Variants in GTF2H1 observed in about 807,000 individuals in gnomAD.
The protein encoded by GTF2H1 is BTF2 p62.
A neutral mutation model predicts 71.2 loss-of-function variants in GTF2H1; 16 were observed. The observed-to-expected ratio is 0.22, with a 90% CI of 0.15 to 0.34. The LOEUF (loss-of-function observed/expected upper bound fraction) is 0.34, where lower values mean the gene tolerates loss of function less well. GTF2H1 is among the 10% of genes least tolerant of loss of function. The pLI is 1.00. For synonymous variants in GTF2H1, 215 were observed against 219.0 expected, an observed-to-expected ratio of 0.98 and a Z score of 0.16; for missense variants, 498 against 648.2, an observed-to-expected ratio of 0.77 and a Z score of 2.52.
At chr11:18,362,997 CT>C (rs1565021671) in intron 14 of GTF2H1, among the ~76,000 whole-genome samples, 2 of 150,236 alleles carry the variant, frequency 1.3e-5, no homozygotes, top group Non-Finnish European at 3.0e-5. Flanking sequence ...TTTTTTTTTT[CT>C]TTTTAAACTT....
intron 1 of GTF2H1, among the ~76,000 whole-genome samples, chr11:18,327,838 C>T (rs1254617021): frequency 6.6e-6 from 1 of 152,202 alleles, no homozygotes; most frequent in African/African-American, 2.4e-5. Flanking sequence ...GTCTGTCCGC[C>T]TCGGCTTCCT....
chr11:18,331,014 C>T (rs769536904), intron 1 of GTF2H1, among the ~76,000 whole-genome samples: 2 of 152,010 alleles, frequency 1.3e-5, no homozygotes, highest in Non-Finnish European at 2.9e-5. Flanking sequence ...ATTGTTTGAG[C>T]GAATAAGAAG....
At chr11:18,338,086 A>G in intron 3 of GTF2H1, 23 bp from the exon 4 acceptor site, 1 of 1,556,404 alleles carries the variant, frequency 6.4e-7, no homozygotes, top group Non-Finnish European at 8.9e-7. Context: ...GTTCAGTTAT[A>G]TTCAGTATAT....
At chr11:18,352,646 GA>G (rs958023737) in intron 11 of GTF2H1, among the ~76,000 whole-genome samples, 200 bp downstream of exon 11, 12 of 151,996 alleles carry the variant, frequency 7.9e-5, no homozygotes, top group East Asian at 1.9e-4. Context: ...AGATGATAAT[GA>G]AAAAAAATAA....
chr11:18,324,051 CAT>C (rs1864681516), intron 1 of GTF2H1, among the ~76,000 whole-genome samples: 1 of 86,994 alleles, frequency 1.1e-5, no homozygotes. Context: ...ACTCAGCCGA[CAT>C]TTTTTTTTTT....
At chr11:18,349,419 A>T (rs2133977892) in intron 9 of GTF2H1, among the ~76,000 whole-genome samples, 1 of 152,330 alleles carries the variant, frequency 6.6e-6, no homozygotes, top group East Asian at 1.9e-4. Context: ...GCCGTGGCTC[A>T]CACCTGTAGT....
intron 7 of GTF2H1, 24 bp from the exon 8 acceptor site, chr11:18,347,564 T>A (rs750779975): frequency 1.1e-5 from 17 of 1,524,204 alleles, no homozygotes; most frequent in East Asian, 7.0e-5. Context: ...TTTTAAAAAA[T>A]TTTTAATCTA....
chr11:18,346,875 G>T (rs1203186923), intron 7 of GTF2H1, among the ~76,000 whole-genome samples: 1 of 150,460 alleles, frequency 6.6e-6, no homozygotes, highest in African/African-American at 2.4e-5. Flanking sequence ...CAACAGCTGG[G>T]ATTACAGGTG....
chr11:18,363,756 A>G (rs59019110), intron 14 of GTF2H1, among the ~76,000 whole-genome samples: 2,974 of 152,160 alleles, frequency 0.02, 102 homozygotes, highest in African/African-American at 0.068. Flanking sequence ...ATTGATTATA[A>G]CTGCTTGGAG....
At position 18,351,751 on chromosome 11, in the gene GTF2H1, C is replaced by G. The variant is rs547306213; in HGVS notation, c.1054-130C>G. 4.8e-5 allele frequency: 27 copies of G among 564,182 alleles called. No homozygotes were observed. In the Admixed American group the frequency reaches 6.7e-4, roughly 14 times the overall value. The allele number at this position is 564,182 out of a possible 1,614,324, so 34.9% of individuals were successfully genotyped here. On this transcript the variant is annotated intron_variant, in intron 9 of 14. Coordinates refer to ENST00000265963, the MANE Select transcript of GTF2H1 (RefSeq NM_005316.4). ...GTTCAGCCATTTGTAGGACAGTCATCTCTAGGAAGAGAAGCTCATGGTGGG... is the reference window on the plus strand; with the variant it reads ...GTTCAGCCATTTGTAGGACAGTCATGTCTAGGAAGAGAAGCTCATGGTGGG...
intron 1 of GTF2H1, chr11:18,332,850 C>A (rs77074651): frequency 9.8e-6 from 4 of 410,188 alleles, no homozygotes; most frequent in African/African-American, 6.1e-5. Flanking sequence ...AAATTTACAC[C>A]TGTGGTATGA....
intron 1 of GTF2H1, among the ~76,000 whole-genome samples, chr11:18,325,775 C>T (rs977274385): frequency 4.6e-5 from 7 of 152,160 alleles, no homozygotes; most frequent in African/African-American, 9.7e-5. Context: ...CGGACAAATA[C>T]ATTTTTAACT....
Position 18,358,630 on chromosome 11 carries a change from T to C in GTF2H1, c.1457T>C (p.Leu486Pro). The change falls in exon 13 of 15, where the codon CTA becomes CCA. Residue 486 changes from leucine (L) to proline (P), a missense_variant. This residue lies in a region of GTF2H1 where 266 missense variants were observed against 301.6 expected (regional missense o/e 0.88). Transcript: ENST00000265963. Reference sequence around the variant, plus strand: ...TGCTTTCCTGTTAATACGCCATTCCTAGAAGAAAAGGTTAGAACCAGTTCT... The same window carrying C: ...TGCTTTCCTGTTAATACGCCATTCCCAGAAGAAAAGGTTAGAACCAGTTCT... The part of the protein sequence containing the change: ...WSCFPVNTPF[L>P]EEKVVKMKSN... 1 of 1,595,932 alleles carries C rather than the reference T, an allele frequency of 6.3e-7. No individual in the cohort carries two copies. Among genetic ancestry groups the C allele is most frequent in the Non-Finnish European group, 8.6e-7 (1 of 1,163,574 alleles).
At chr11:18,353,939 T>A (rs886338535) in intron 11 of GTF2H1, among the ~76,000 whole-genome samples, 11 of 152,340 alleles carry the variant, frequency 7.2e-5, no homozygotes, top group African/African-American at 2.6e-4. Flanking sequence ...TATATCTTAC[T>A]ACATTTTCAC....
chr11:18,354,205 A>C (rs999418960), intron 11 of GTF2H1, among the ~76,000 whole-genome samples: 2 of 152,204 alleles, frequency 1.3e-5, no homozygotes, highest in African/African-American at 2.4e-5. Context: ...AACTCCACAG[A>C]AGTAATGTTG....
At chr11:18,357,073 AT>A (rs1024448191) in intron 11 of GTF2H1, among the ~76,000 whole-genome samples, 1 of 152,190 alleles carries the variant, frequency 6.6e-6, no homozygotes, top group African/African-American at 2.4e-5. Flanking sequence ...TGGTTGTCCC[AT>A]ACTGTACTTT....
At chr11:18,332,995 C>A in intron 1 of GTF2H1, 65 bp from the exon 2 acceptor site, 2 of 1,130,940 alleles carry the variant, frequency 1.8e-6, no homozygotes, top group South Asian at 1.7e-5. Flanking sequence ...CTCTAGAAGT[C>A]AACAAATTCA....
chr11:18,325,130 A>G (rs1864731154), intron 1 of GTF2H1, among the ~76,000 whole-genome samples: 1 of 152,210 alleles, frequency 6.6e-6, no homozygotes, highest in African/African-American at 2.4e-5. Flanking sequence ...TCCTTCTTTC[A>G]GAAGATTTCT....
intron 5 of GTF2H1, among the ~76,000 whole-genome samples, chr11:18,340,632 A>G (rs768417327): frequency 5.8e-4 from 89 of 152,276 alleles, no homozygotes; most frequent in Non-Finnish European, 1.1e-3. Flanking sequence ...AGTGTTTATT[A>G]TGTGCCAGAC....
Sources: gnomAD v4.1 joint callset for allele counts (sites outside exome capture counted in the v4.1 genomes callset) on GRCh38, gnomAD v4.1.1 for gene constraint, gnomAD v4.1.1 regional missense constraint, MANE v1.5 for transcripts, NCBI Gene and HGNC (gene_info 2026-07-23, HGNC 2026-07-21) for gene names.